RAB38: variants seen among roughly 807,000 people sequenced by gnomAD.
RAB38 encodes ras-related protein Rab-38.
RAB38 carries 15 observed loss-of-function variants against 18.4 expected under a neutral mutation model. The ratio of observed to expected loss-of-function variants is 0.82; its 90% CI spans 0.55 to 1.26. The LOEUF (loss-of-function observed/expected upper bound fraction) is 1.26. Ranked by LOEUF, RAB38 falls within the 50% of genes most tolerant of loss-of-function variation. The pLI is 0.00. For synonymous variants in RAB38, 101 were observed against 104.4 expected, an observed-to-expected ratio of 0.97 and a Z score of 0.20; for missense variants, 294 against 267.4, an observed-to-expected ratio of 1.10 and a Z score of -0.69.
the RAB38 span, among the ~76,000 whole-genome samples, chr11:87,819,130 C>T: frequency 1.3e-5 from 2 of 152,180 alleles, no homozygotes; most frequent in Non-Finnish European, 2.9e-5. Context: ...GCCCCTTTGC[C>T]TACCCACTTC....
At chr11:88,067,833 T>C in the RAB38 span, among the ~76,000 whole-genome samples, 2 of 151,706 alleles carry the variant, frequency 1.3e-5, no homozygotes, top group Non-Finnish European at 2.9e-5. Context: ...GGTTGATAGG[T>C]ACAGCAAACC....
chr11:87,849,322 C>A, the RAB38 span, among the ~76,000 whole-genome samples: 1 of 152,118 alleles, frequency 6.6e-6, no homozygotes, highest in African/African-American at 2.4e-5. Context: ...CTTCCCTCAT[C>A]CTTCTACTTT....
the RAB38 span, among the ~76,000 whole-genome samples, chr11:88,091,473 T>C: frequency 6.6e-6 from 1 of 151,930 alleles, no homozygotes; most frequent in Non-Finnish European, 1.5e-5. Flanking sequence ...CTTCTCACCA[T>C]CTCTCACCAA....
chr11:87,918,737 A>G, the RAB38 span, among the ~76,000 whole-genome samples: 1 of 147,210 alleles, frequency 6.8e-6, no homozygotes, highest in African/African-American at 2.7e-5. Flanking sequence ...TTTTCTTTTT[A>G]TGAGTTAAGT....
At chr11:87,813,499 T>TCACACACACACA in the RAB38 span, among the ~76,000 whole-genome samples, 96 of 146,954 alleles carry the variant, frequency 6.5e-4, no homozygotes, top group African/African-American at 1.8e-3. Context: ...ATCATACACA[T>TCACACACACACA]CACACACACA....
chr11:87,842,985 C>G, the RAB38 span, among the ~76,000 whole-genome samples: 1 of 152,170 alleles, frequency 6.6e-6, no homozygotes, highest in Non-Finnish European at 1.5e-5. Context: ...AAAGCGTTGG[C>G]TGAAATAAGC....
the RAB38 span, among the ~76,000 whole-genome samples, chr11:87,891,606 A>C: frequency 1.3e-5 from 2 of 151,836 alleles, no homozygotes; most frequent in Non-Finnish European, 2.9e-5. Context: ...TTAAACTATG[A>C]GTTCGAAACA....
At chr11:87,885,516 T>C in the RAB38 span, among the ~76,000 whole-genome samples, 4 of 152,028 alleles carry the variant, frequency 2.6e-5, no homozygotes, top group African/African-American at 9.7e-5. Flanking sequence ...AGACTGGCAG[T>C]GTACTGCGGG....
At chr11:87,937,424 T>C in the RAB38 span, among the ~76,000 whole-genome samples, 2 of 149,774 alleles carry the variant, frequency 1.3e-5, no homozygotes, top group Admixed American at 6.7e-5. Flanking sequence ...TTGTACTGTC[T>C]GGTTGGTTTT....
At chr11:87,894,341 TAGAC>T in the RAB38 span, among the ~76,000 whole-genome samples, 3 of 151,802 alleles carry the variant, frequency 2.0e-5, no homozygotes, top group East Asian at 5.9e-4. Flanking sequence ...AGAGTTTTGT[TAGAC>T]AGCCAGAAAC....
chr11:87,943,427 C>T, the RAB38 span, among the ~76,000 whole-genome samples: 1 of 152,142 alleles, frequency 6.6e-6, no homozygotes, highest in Non-Finnish European at 1.5e-5. Flanking sequence ...CTGGTATCAT[C>T]CTCAGGTTAC....
chr11:88,140,625 G>A (rs1456599943), intron 2 of RAB38, among the ~76,000 whole-genome samples: 1 of 152,180 alleles, frequency 6.6e-6, no homozygotes, highest in Non-Finnish European at 1.5e-5. Context: ...AGTCCTGAAG[G>A]AAGAGTGAGA....
chr11:88,034,740 C>A, the RAB38 span, among the ~76,000 whole-genome samples: 1 of 152,148 alleles, frequency 6.6e-6, no homozygotes, highest in Non-Finnish European at 1.5e-5. Flanking sequence ...TGACCTTACA[C>A]CTTTACTGTG....
At chr11:88,025,238 T>C in the RAB38 span, among the ~76,000 whole-genome samples, 1 of 150,892 alleles carries the variant, frequency 6.6e-6, no homozygotes, top group Non-Finnish European at 1.5e-5. Flanking sequence ...TGTATATAAC[T>C]ATATATATTA....
At chr11:88,153,280 C>T (rs892242646) in intron 1 of RAB38, among the ~76,000 whole-genome samples, 2 of 152,208 alleles carry the variant, frequency 1.3e-5, no homozygotes, top group African/African-American at 4.8e-5. Flanking sequence ...AACTTTGGCC[C>T]TCTGTCCCAA....
intron 1 of RAB38, among the ~76,000 whole-genome samples, chr11:88,160,227 C>T (rs1943173857): frequency 6.6e-6 from 1 of 151,946 alleles, no homozygotes; most frequent in African/African-American, 2.4e-5. Context: ...AAAAAATATC[C>T]CATATCACTG....
chr11:87,974,547 T>A, the RAB38 span, among the ~76,000 whole-genome samples: 1 of 151,756 alleles, frequency 6.6e-6, no homozygotes, highest in East Asian at 1.9e-4. Flanking sequence ...AGATAGAGAA[T>A]AATTCAGGAG....
At chr11:87,921,487 G>A in the RAB38 span, among the ~76,000 whole-genome samples, 2 of 150,964 alleles carry the variant, frequency 1.3e-5, no homozygotes, top group African/African-American at 2.4e-5. Context: ...ATGCATTTTT[G>A]ACATGATATT....
At chr11:87,904,706 A>G in the RAB38 span, among the ~76,000 whole-genome samples, 2 of 151,542 alleles carry the variant, frequency 1.3e-5, no homozygotes, top group East Asian at 2.0e-4. Flanking sequence ...CCAACAGTGT[A>G]TAAGTGTTCC....
Sources: gnomAD v4.1 joint callset for allele counts (sites outside exome capture counted in the v4.1 genomes callset) on GRCh38, gnomAD v4.1.1 for gene constraint, MANE v1.5 for transcripts, NCBI Gene and HGNC (gene_info 2026-07-23, HGNC 2026-07-21) for gene names.